The following PLD5 variants were observed in gnomAD, a reference collection of about 807,000 sequenced individuals.
The protein encoded by PLD5 is inactive phospholipase D5.
A neutral mutation model predicts 61.1 loss-of-function variants in PLD5; 36 were observed. The ratio of observed to expected loss-of-function variants is 0.59; its 90% CI spans 0.45 to 0.78. The LOEUF (loss-of-function observed/expected upper bound fraction) is 0.78, where lower values mean the gene tolerates loss of function less well. Among genes scored for constraint, PLD5 ranks in the 30% least tolerant of loss-of-function variants. PLD5 has a pLI of 0.00. For missense variants in PLD5, 515 were observed against 644.4 expected (o/e 0.80, Z 2.17); for synonymous variants, 243 against 242.8 (o/e 1.00, Z -0.01).
intron 1 of PLD5, among the ~76,000 whole-genome samples, chr1:242,494,049 C>T (rs1320873800): frequency 2.7e-5 from 4 of 150,824 alleles, no homozygotes; most frequent in South Asian, 2.1e-4. Flanking sequence ...CATTGGTATG[C>T]TTCATGTTTC....
intron 4 of PLD5, among the ~76,000 whole-genome samples, chr1:242,263,293 C>A (rs1245664058): frequency 6.6e-6 from 1 of 151,330 alleles, no homozygotes; most frequent in Non-Finnish European, 1.5e-5. Flanking sequence ...TTATATTTAC[C>A]TATTTTTTTC....
chr1:242,431,962 A>G (rs935761964), intron 1 of PLD5, among the ~76,000 whole-genome samples: 1 of 152,206 alleles, frequency 6.6e-6, no homozygotes, highest in Non-Finnish European at 1.5e-5. Context: ...CTACAAGGGA[A>G]TCTGAGAAGC....
At chr1:242,382,292 T>C (rs1248884254) in intron 1 of PLD5, among the ~76,000 whole-genome samples, 1 of 152,120 alleles carries the variant, frequency 6.6e-6, no homozygotes, top group Non-Finnish European at 1.5e-5. Context: ...GCATTGAACA[T>C]GGCATTTGAT....
chr1:242,186,314 C>G (rs10926641), intron 5 of PLD5, among the ~76,000 whole-genome samples: 11,839 of 152,026 alleles, frequency 0.078, 533 homozygotes, highest in Middle Eastern at 0.15. Context: ...TCCCGAGTAG[C>G]TGGGATTGCA....
rs542756689 is a variant in PLD5, at chr1:242,508,357, G to C, written c.189+15731C>G. Among the ~76,000 whole-genome samples, 143 of 151,864 alleles carry C rather than the reference G, an allele frequency of 9.4e-4. 1 individual carries two copies. The South Asian group carries it at 0.011, about 12-fold the overall frequency. ...CATTGCACTCCAGCCTGGGCAACAG[G>C]GGTGAAACTCCGTCTCAAAAAAAAA... is the stretch of plus-strand genomic sequence containing the variant. On this transcript the variant is annotated intron_variant, in intron 1 of 9. Transcript: ENST00000536534.
intron 1 of PLD5, among the ~76,000 whole-genome samples, chr1:242,504,763 A>G (rs1359583061): frequency 6.6e-6 from 1 of 152,150 alleles, no homozygotes; most frequent in Non-Finnish European, 1.5e-5. Context: ...ATTTTCCCAA[A>G]TATTTTTTTT....
At chr1:242,424,141 T>C (rs1259478783) in intron 1 of PLD5, among the ~76,000 whole-genome samples, 1 of 152,220 alleles carries the variant, frequency 6.6e-6, no homozygotes, top group Non-Finnish European at 1.5e-5. Flanking sequence ...ATCCCTTCTC[T>C]ACAGCTAATG....
At chr1:242,387,606 C>CAT (rs902839444) in intron 1 of PLD5, among the ~76,000 whole-genome samples, 5 of 150,198 alleles carry the variant, frequency 3.3e-5, no homozygotes, top group Admixed American at 2.7e-4. Flanking sequence ...TTAAAGAATA[C>CAT]ATATATATTT....
intron 1 of PLD5, among the ~76,000 whole-genome samples, chr1:242,523,564 AC>A (rs1669347580): frequency 6.6e-6 from 1 of 152,186 alleles, no homozygotes; most frequent in Non-Finnish European, 1.5e-5. Flanking sequence ...AGAGAGGATC[AC>A]CAACTGCTCA....
At chr1:242,506,256 T>G (rs1668715643) in intron 1 of PLD5, among the ~76,000 whole-genome samples, 1 of 152,196 alleles carries the variant, frequency 6.6e-6, no homozygotes, top group Non-Finnish European at 1.5e-5. Context: ...GTGATCTATA[T>G]CTAGGAAATT....
rs56200712 is a variant in PLD5 at position 242,262,895 on chromosome 1, C to T, written c.607+2442G>A. 4.2e-3 allele frequency among the ~76,000 whole-genome samples: 634 copies of T among 152,060 alleles called. 4 individuals carry two copies. The highest frequency in any genetic ancestry group is 0.014 in the African/African-American group (585 of 41,458). Reference sequence around the variant, plus strand: ...ATTAAGAAAACTGATTAATAAAACCCATTTTGAATTTACAGGGACCCTTGT... The same window carrying T: ...ATTAAGAAAACTGATTAATAAAACCTATTTTGAATTTACAGGGACCCTTGT... On this transcript the variant is annotated intron_variant, in intron 4 of 9. Transcript: ENST00000536534.
intron 1 of PLD5, among the ~76,000 whole-genome samples, chr1:242,476,915 TAA>T (rs1265000420): frequency 1.3e-5 from 2 of 152,140 alleles, no homozygotes; most frequent in East Asian, 3.9e-4. Context: ...AGAAATAATA[TAA>T]GTGACAAATG....
intron 3 of PLD5, among the ~76,000 whole-genome samples, chr1:242,268,163 C>T (rs532257242): frequency 6.6e-6 from 1 of 152,128 alleles, no homozygotes; most frequent in Non-Finnish European, 1.5e-5. Context: ...TTTGGCACTC[C>T]TCCAAGGAGT....
At chr1:242,424,648 T>C (rs116646041) in intron 1 of PLD5, among the ~76,000 whole-genome samples, 71 of 152,224 alleles carry the variant, frequency 4.7e-4, no homozygotes, top group African/African-American at 1.6e-3. Flanking sequence ...CAAATTGGGT[T>C]TCCTCTCTGG....
chr1:242,263,719 G>T (rs916343836), intron 4 of PLD5, among the ~76,000 whole-genome samples: 1 of 152,110 alleles, frequency 6.6e-6, no homozygotes, highest in African/African-American at 2.4e-5. Context: ...ACATATGCTT[G>T]GAAATTCAAA....
intron 1 of PLD5, among the ~76,000 whole-genome samples, chr1:242,413,047 C>T (rs184208168): frequency 2.6e-5 from 4 of 152,132 alleles, no homozygotes; most frequent in East Asian, 3.9e-4. Context: ...TCTGAACTGT[C>T]GTTTTGGAAA....
chr1:242,230,231 T>A (rs977018227), intron 4 of PLD5, among the ~76,000 whole-genome samples: 3 of 152,226 alleles, frequency 2.0e-5, no homozygotes, highest in Non-Finnish European at 4.4e-5. Context: ...ACCACTATTT[T>A]AATTCAGTAT....
chr1:242,333,619 A>G (rs1659325830), intron 2 of PLD5, among the ~76,000 whole-genome samples: 1 of 152,154 alleles, frequency 6.6e-6, no homozygotes, highest in African/African-American at 2.4e-5. Flanking sequence ...GTTCAATGGT[A>G]ATAAACCCAT....
intron 1 of PLD5, among the ~76,000 whole-genome samples, chr1:242,440,985 G>T (rs1246033189): frequency 1.3e-5 from 2 of 152,110 alleles, no homozygotes; most frequent in Non-Finnish European, 2.9e-5. Context: ...ATAGTAATTT[G>T]GAAGGAAAAT....
Sources: allele counts gnomAD v4.1 joint callset (sites outside exome capture counted in the v4.1 genomes callset), GRCh38; gene constraint gnomAD v4.1.1; transcripts MANE v1.5; gene names NCBI Gene and HGNC (gene_info 2026-07-23, HGNC 2026-07-21).